The following LRTM1 variants were observed in gnomAD, a reference collection of about 807,000 sequenced individuals.
LRTM1 encodes the protein leucine rich repeat transmembrane protein 1.
LRTM1 carries 38 observed loss-of-function variants against 32.4 expected under a neutral mutation model. That is an observed-to-expected ratio of 1.17 (90% CI 0.91 to 1.54). LRTM1 has a LOEUF of 1.54. Among genes scored for constraint, LRTM1 ranks in the 40% most tolerant of loss-of-function variants. The pLI, the probability that LRTM1 is intolerant of heterozygous loss-of-function variation, is 0.00. For missense variants in LRTM1, 466 were observed against 415.4 expected (o/e 1.12, Z -1.06); for synonymous variants, 186 against 169.9 (o/e 1.09, Z -0.74).
At chr3:54,927,443 C>T (rs904606088) in intron 1 of LRTM1, among the ~76,000 whole-genome samples, 1 of 152,176 alleles carries the variant, frequency 6.6e-6, no homozygotes, top group African/African-American at 2.4e-5. Context: ...CAGTAATGAA[C>T]GGACACCCCT....
Position 54,919,192 on chromosome 3 carries a change from C to G in LRTM1, c.605-300G>C, listed in dbSNP as rs546962807. On this transcript the variant is annotated intron_variant, in intron 2 of 2. Coordinates refer to ENST00000273286, the MANE Select transcript of LRTM1 (RefSeq NM_020678.4). ...AACAATGCAAAAGCTGACAAGAAGG[C>G]ACGCTGGGGGCCGATGGTGAGGGCA... is the stretch of plus-strand genomic sequence containing the variant. Among the ~76,000 whole-genome samples, 730 of 152,326 alleles carry G rather than the reference C, an allele frequency of 4.8e-3. 6 individuals are homozygous for G. The highest frequency in any genetic ancestry group is 0.017 in the African/African-American group (693 of 41,576).
chr3:54,966,075 G>T (rs1331365740), intron 1 of LRTM1, among the ~76,000 whole-genome samples: 3 of 152,134 alleles, frequency 2.0e-5, no homozygotes, highest in Non-Finnish European at 4.4e-5. Flanking sequence ...TAAACACCCA[G>T]CGGGGAGCAG....
At chr3:54,955,908 C>T (rs991710977) in intron 1 of LRTM1, among the ~76,000 whole-genome samples, 1 of 152,154 alleles carries the variant, frequency 6.6e-6, no homozygotes, top group Non-Finnish European at 1.5e-5. Flanking sequence ...ATGGCTTTTC[C>T]AGCCTCGCCA....
intron 1 of LRTM1, among the ~76,000 whole-genome samples, chr3:54,959,076 G>A (rs1701972352): frequency 6.6e-6 from 1 of 152,180 alleles, no homozygotes; most frequent in African/African-American, 2.4e-5. Flanking sequence ...ACTCCAGCCT[G>A]GGCAACAGAG....
intron 1 of LRTM1, among the ~76,000 whole-genome samples, chr3:54,933,555 G>C (rs1419316382): frequency 6.6e-6 from 1 of 152,214 alleles, no homozygotes; most frequent in Non-Finnish European, 1.5e-5. Flanking sequence ...TTGTCTAGCA[G>C]TGTGTCTTGG....
intron 1 of LRTM1, among the ~76,000 whole-genome samples, chr3:54,938,278 T>C (rs530193964): frequency 1.3e-5 from 2 of 152,376 alleles, no homozygotes; most frequent in South Asian, 4.1e-4. Context: ...TTAGTGCAGA[T>C]GCAAACACTG....
chr3:54,947,899 C>T (rs116450961), intron 1 of LRTM1, among the ~76,000 whole-genome samples: 2,419 of 152,254 alleles, frequency 0.016, 62 homozygotes, highest in African/African-American at 0.054. Flanking sequence ...AACAAATTTG[C>T]CTGCAGCTGC....
chr3:54,930,957 G>A (rs556636204), upstream of LRTM1, among the ~76,000 whole-genome samples: 12 of 152,288 alleles, frequency 7.9e-5, no homozygotes, highest in South Asian at 2.1e-4. Flanking sequence ...TTAGCTGGGC[G>A]TGATGGTGGC....
At chr3:54,959,775 A>G (rs1701987077) in intron 1 of LRTM1, among the ~76,000 whole-genome samples, 1 of 152,168 alleles carries the variant, frequency 6.6e-6, no homozygotes, top group Non-Finnish European at 1.5e-5. Flanking sequence ...TGAAAACTTT[A>G]TTGAAATAAT....
chr3:54,959,816 G>T (rs1034170961), intron 1 of LRTM1, among the ~76,000 whole-genome samples: 8 of 152,152 alleles, frequency 5.3e-5, no homozygotes, highest in African/African-American at 1.9e-4. Context: ...AGCATAAAAT[G>T]ATCTGACAAA....
At chr3:54,937,091 C>T (rs1701346827) in intron 1 of LRTM1, among the ~76,000 whole-genome samples, 1 of 152,140 alleles carries the variant, frequency 6.6e-6, no homozygotes, top group African/African-American at 2.4e-5. Context: ...TGGTGTTTCT[C>T]TATTTTTGGT....
intron 1 of LRTM1, among the ~76,000 whole-genome samples, chr3:54,948,178 C>T (rs1250337493): frequency 2.6e-5 from 4 of 152,158 alleles, no homozygotes; most frequent in African/African-American, 9.7e-5. Flanking sequence ...GCTCACTTTC[C>T]CCTGGTTGTC....
At position 54,928,014 on chromosome 3, in the gene LRTM1, T is replaced by G; in HGVS notation, c.-103A>C. ...GCAGACTCAGAGCCCAGCTTTACAT[T>G]CAGTCTTTCTGAACCCTGCCCTTGC... is the stretch of plus-strand genomic sequence containing the variant. On this transcript the variant is annotated 5_prime_UTR_variant, in exon 1 of 3. Coordinates refer to ENST00000273286, the MANE Select transcript of LRTM1 (RefSeq NM_020678.4). 1 of 1,074,082 alleles carries G rather than the reference T, an allele frequency of 9.3e-7. No homozygotes were observed. Among genetic ancestry groups the G allele is most frequent in the Non-Finnish European group, 1.4e-6 (1 of 698,000 alleles). The allele number at this position is 1,074,082 out of a possible 1,614,324, so 66.5% of individuals were successfully genotyped here.
intron 1 of LRTM1, among the ~76,000 whole-genome samples, chr3:54,940,813 A>T (rs958430466): frequency 5.9e-5 from 9 of 152,156 alleles, no homozygotes; most frequent in African/African-American, 2.2e-4. Context: ...ATTTTTCTGA[A>T]ACCCATATGC....
chr3:54,935,659 G>C (rs1433824348), intron 1 of LRTM1, among the ~76,000 whole-genome samples: 2 of 152,144 alleles, frequency 1.3e-5, no homozygotes, highest in African/African-American at 2.4e-5. Flanking sequence ...TGCAGTTCTT[G>C]TTGTTGGGTT....
At chr3:54,961,338 T>A (rs951374453) in intron 1 of LRTM1, among the ~76,000 whole-genome samples, 16 of 152,212 alleles carry the variant, frequency 1.1e-4, no homozygotes, top group African/African-American at 3.6e-4. Context: ...GGATGAGCAT[T>A]TATCTGTACA....
intron 1 of LRTM1, among the ~76,000 whole-genome samples, chr3:54,966,072 C>A (rs1476505621): frequency 6.6e-6 from 1 of 152,030 alleles, no homozygotes; most frequent in East Asian, 1.9e-4. Flanking sequence ...GGATAAACAC[C>A]CAGCGGGGAG....
At chr3:54,959,850 A>G (rs1196432962) in intron 1 of LRTM1, among the ~76,000 whole-genome samples, 1 of 152,200 alleles carries the variant, frequency 6.6e-6, no homozygotes, top group African/African-American at 2.4e-5. Flanking sequence ...TAGCTCCGGC[A>G]GCCTGGGAAA....
At chr3:54,922,366 A>G (rs1482699938) in intron 2 of LRTM1, among the ~76,000 whole-genome samples, 2 of 148,438 alleles carry the variant, frequency 1.3e-5, no homozygotes, top group Non-Finnish European at 3.0e-5. Context: ...AATGAAAACT[A>G]TCTTTCTGTG....
Sources: allele counts gnomAD v4.1 joint callset (sites outside exome capture counted in the v4.1 genomes callset), GRCh38; gene constraint gnomAD v4.1.1; transcripts MANE v1.5; gene names NCBI Gene and HGNC (gene_info 2026-07-23, HGNC 2026-07-21).